Variants in PRMT8 observed in about 807,000 individuals in gnomAD.
The protein encoded by PRMT8 is protein arginine N-methyltransferase 8.
PRMT8 carries 7 observed loss-of-function variants against 47.1 expected under a neutral mutation model. That is an observed-to-expected ratio of 0.15 (90% CI 0.08 to 0.28). The LOEUF is 0.28. PRMT8 is among the 10% of genes least tolerant of loss of function. The pLI is 1.00. For synonymous variants in PRMT8, 188 were observed against 186.5 expected, an observed-to-expected ratio of 1.01 and a Z score of -0.07; for missense variants, 237 against 505.4, an observed-to-expected ratio of 0.47 and a Z score of 5.09.
At position 3,386,922 on chromosome 12, in the gene PRMT8, C is replaced by A. The variant is rs150737601; in HGVS notation, c.48+5480C>A. 8.8e-4 allele frequency among the ~76,000 whole-genome samples: 133 copies of A among 151,752 alleles called. 2 individuals are homozygous for A. The East Asian group carries it at 0.021, about 23-fold the overall frequency. On this transcript the variant is annotated intron_variant, in intron 1 of 9. Coordinates refer to the PRMT8 transcript ENST00000452611. ...ACGGGGTTTCACCATGTTGGTCAGG[C>A]TGGTCTCGAACTCCTGACCTCATGA...
At chr12:3,541,002 T>C (rs1365380875) in intron 2 of PRMT8, among the ~76,000 whole-genome samples, 2 of 152,134 alleles carry the variant, frequency 1.3e-5, no homozygotes, top group Non-Finnish European at 2.9e-5. Flanking sequence ...AAAGTGTGTG[T>C]CTGTATACTC....
intron 8 of PRMT8, among the ~76,000 whole-genome samples, chr12:3,591,596 G>A (rs1279583536): frequency 6.6e-6 from 1 of 151,938 alleles, no homozygotes; most frequent in African/African-American, 2.4e-5. Flanking sequence ...TTCTCATTAT[G>A]TTGCCCAGGC....
chr12:3,553,362 A>G (rs539553834), intron 3 of PRMT8: 2 of 501,522 alleles, frequency 4.0e-6, no homozygotes, highest in East Asian at 3.4e-5. Context: ...GGCCAGGAGC[A>G]TGAGGTCTGC....
chr12:3,443,941 C>T lies in PRMT8; in HGVS notation c.48+62499C>T, dbSNP rs143694637. Among the ~76,000 whole-genome samples the T allele has an allele frequency of 4.0e-3, 604 of 152,330 alleles. 2 individuals carry two copies. The highest frequency in any genetic ancestry group is 0.013 in the African/African-American group (549 of 41,572). The stretch of plus-strand genomic sequence containing the variant: ...AATCCATGCCCCTCAAAAGACAAGG[C>T]ATTTCTTTCGTCTAAGTTCGGCCTA... On this transcript the variant is annotated intron_variant, in intron 1 of 9. Transcript: ENST00000452611.
chr12:3,430,005 T>G (rs1046108422), intron 1 of PRMT8, among the ~76,000 whole-genome samples: 1 of 152,122 alleles, frequency 6.6e-6, no homozygotes, highest in Non-Finnish European at 1.5e-5. Context: ...CAAGAACCCC[T>G]CAGACACCAA....
intron 1 of PRMT8, among the ~76,000 whole-genome samples, chr12:3,528,099 G>GTAGAGCAAT (rs1379819292): frequency 1.3e-5 from 2 of 152,048 alleles, no homozygotes; most frequent in Admixed American, 1.3e-4. Context: ...TATCAGTGGT[G>GTAGAGCAAT]TAGAGCAATT....
At position 3,553,710 on chromosome 12, in the gene PRMT8, C is replaced by A; in HGVS notation, c.477C>A (p.Asp159Glu). Residue 159 changes from aspartate to glutamate, a missense_variant, in exon 4 of 10, where the codon GAC (aspartate) becomes GAA (glutamate). By Grantham distance (45) the Asp-to-Glu change is conservative. Coordinates refer to ENST00000382622, the MANE Select transcript of PRMT8 (RefSeq NM_019854.5). ...AGATCATTAAGGCCAACCACTTGGA[C>A]AACAGTAAGACATACCTCTGAGTGT... ...SEKIIKANHL[D>E]NIITIFKGKV... 6.3e-7 allele frequency: 1 copy of A among 1,588,378 alleles called. No homozygotes were observed. Among genetic ancestry groups the A allele is most frequent in the Non-Finnish European group, 8.6e-7 (1 of 1,156,626 alleles).
At chr12:3,590,577 G>T (rs1035058439) in intron 8 of PRMT8, among the ~76,000 whole-genome samples, 8 of 151,034 alleles carry the variant, frequency 5.3e-5, no homozygotes, top group African/African-American at 2.0e-4. Flanking sequence ...AGCTTTTGAA[G>T]TGTTTTGAAG....
chr12:3,462,440 ATG>A (rs1865052192), intron 1 of PRMT8, among the ~76,000 whole-genome samples: 1 of 152,024 alleles, frequency 6.6e-6, no homozygotes, highest in Admixed American at 6.5e-5. Context: ...ACTTAGATGA[ATG>A]ACTTGCTACT....
chr12:3,447,642 C>T (rs989172803), intron 1 of PRMT8, among the ~76,000 whole-genome samples: 1 of 152,096 alleles, frequency 6.6e-6, no homozygotes, highest in East Asian at 1.9e-4. Context: ...GCATCCACCC[C>T]GCTTCTCCCT....
chr12:3,569,461 C>T lies in PRMT8; in HGVS notation c.625-16C>T, dbSNP rs769960809. The T allele has an allele frequency of 2.5e-6, 4 of 1,610,040 alleles. No homozygotes were observed. In the South Asian group the frequency reaches 4.4e-5, roughly 18 times the overall value. ...GAATAGATTACGAGACCCATTTCCC[C>T]ACAATTCATCAACAGAAACCTGGAG... On this transcript the variant is annotated splice_polypyrimidine_tract_variant and intron_variant, in intron 5 of 9. Coordinates refer to ENST00000382622, the MANE Select transcript of PRMT8 (RefSeq NM_019854.5). The surrounding 1 kb of genome is among the most constrained non-coding windows in gnomAD (Gnocchi z 8.2).
intron 1 of PRMT8, among the ~76,000 whole-genome samples, chr12:3,515,653 C>G (rs564354835): frequency 1.3e-5 from 2 of 152,244 alleles, no homozygotes; most frequent in Non-Finnish European, 2.9e-5. Flanking sequence ...CCACACTGCA[C>G]AGAACCCACC....
At chr12:3,581,329 C>T (rs1031740797) in intron 7 of PRMT8, among the ~76,000 whole-genome samples, 1 of 152,158 alleles carries the variant, frequency 6.6e-6, no homozygotes, top group Non-Finnish European at 1.5e-5. Flanking sequence ...ACACATTTGG[C>T]TTCTTCTGTG....
rs1296749780 is a variant in PRMT8 at position 3,409,857 on chromosome 12, G to T, written c.48+28415G>T. 6.6e-6 allele frequency among the ~76,000 whole-genome samples: 1 copy of T among 152,140 alleles called. No homozygotes were observed. The highest frequency in any genetic ancestry group is 1.5e-5 in the Non-Finnish European group (1 of 68,036). ...GCCTCATCAGCTTCAGCACCAGGGG[G>T]TGTGATTGTTCTGGGTAGCCAAGTC... On this transcript the variant is annotated intron_variant, in intron 1 of 9. Transcript: ENST00000452611. This position sits in a 1 kb window ranked among gnomAD's most constrained non-coding sequence, Gnocchi z 4.4.
chr12:3,531,248 C>T lies in PRMT8; in HGVS notation c.76-9358C>T, dbSNP rs573720914. On this transcript the variant is annotated intron_variant, in intron 1 of 9. Coordinates refer to ENST00000382622, the MANE Select transcript of PRMT8 (RefSeq NM_019854.5). ...AGAGTGGAGAGGGAAGCCAGGGCTCCGTAACCCCCTTCAAGTCAAAGGAGG... is the reference window on the plus strand; with the variant it reads ...AGAGTGGAGAGGGAAGCCAGGGCTCTGTAACCCCCTTCAAGTCAAAGGAGG... Among the ~76,000 whole-genome samples, 17 of 152,218 alleles carry T rather than the reference C, an allele frequency of 1.1e-4. No individual in the cohort carries two copies. In the South Asian group the frequency reaches 1.2e-3, roughly 11 times the overall value.
chr12:3,512,474 C>T (rs1865727729), intron 1 of PRMT8, among the ~76,000 whole-genome samples: 1 of 152,176 alleles, frequency 6.6e-6, no homozygotes, highest in South Asian at 2.1e-4. Flanking sequence ...TCATCTGCTT[C>T]TCTCCTTGTC....
In PRMT8 at chr12:3,493,127, G is replaced by C. The variant is rs538238705; in HGVS notation, c.75+1427G>C. 5.9e-5 allele frequency among the ~76,000 whole-genome samples: 9 copies of C among 152,228 alleles called. No homozygotes were observed. The South Asian group carries it at 1.9e-3, about 32-fold the overall frequency. On this transcript the variant is annotated intron_variant, in intron 1 of 9. Transcript: ENST00000382622. This position sits in a 1 kb window ranked among gnomAD's most constrained non-coding sequence, Gnocchi z 8.2. ...TCAATTTCAAAACAAACACGCTCCGGGACTTGAACGCAGCGGGGCATTCAG... is the reference window on the plus strand; with the variant it reads ...TCAATTTCAAAACAAACACGCTCCGCGACTTGAACGCAGCGGGGCATTCAG...
chr12:3,519,928 TAA>T (rs1256480707), intron 1 of PRMT8, among the ~76,000 whole-genome samples: 2 of 152,218 alleles, frequency 1.3e-5, no homozygotes, highest in African/African-American at 2.4e-5. Context: ...ATGTAAAATA[TAA>T]GTTTTAAATG....
intron 1 of PRMT8, among the ~76,000 whole-genome samples, chr12:3,465,245 TATAA>T (rs1865086175): frequency 7.4e-6 from 1 of 135,378 alleles, no homozygotes; most frequent in African/African-American, 2.7e-5. Context: ...TATATTTTTA[TATAA>T]ATATATTTTA....
Sources: gnomAD v4.1 joint callset for allele counts (sites outside exome capture counted in the v4.1 genomes callset) on GRCh38, gnomAD v4.1.1 for gene constraint, Gnocchi (gnomAD v3.1) non-coding constraint, MANE v1.5 for transcripts, NCBI Gene and HGNC (gene_info 2026-07-23, HGNC 2026-07-21) for gene names.